Variants in SLC24A3 observed in about 807,000 individuals in gnomAD.
SLC24A3 encodes sodium/potassium/calcium exchanger 3.
A neutral mutation model predicts 75.8 loss-of-function variants in SLC24A3; 28 were observed. The observed-to-expected ratio is 0.37, with a 90% confidence interval of 0.27 to 0.51. The LOEUF (loss-of-function observed/expected upper bound fraction) is 0.51, where lower values mean the gene tolerates loss of function less well. Among genes scored for constraint, SLC24A3 ranks in the 20% least tolerant of loss-of-function variants. The pLI, the probability that SLC24A3 is intolerant of heterozygous loss-of-function variation, is 0.94. For synonymous variants in SLC24A3, 372 were observed against 334.1 expected (o/e 1.11, Z -1.24); for missense variants, 663 against 847.8 (o/e 0.78, Z 2.71).
intron 2 of SLC24A3, among the ~76,000 whole-genome samples, chr20:19,481,464 G>A (rs1347362504): frequency 6.6e-6 from 1 of 152,180 alleles, no homozygotes; most frequent in African/African-American, 2.4e-5. Flanking sequence ...CAGGAGGCTG[G>A]CTTTAGACTC....
At chr20:19,651,003 T>A (rs1000731238) in intron 6 of SLC24A3, among the ~76,000 whole-genome samples, 5 of 152,164 alleles carry the variant, frequency 3.3e-5, no homozygotes, top group Admixed American at 6.5e-5. Context: ...AAGTTTCATT[T>A]TGGAATTTCC....
intron 2 of SLC24A3, among the ~76,000 whole-genome samples, chr20:19,305,782 GA>G (rs1381530063): frequency 6.6e-6 from 1 of 152,100 alleles, no homozygotes; most frequent in Non-Finnish European, 1.5e-5. Flanking sequence ...AATCCTAGAA[GA>G]AAACCTAGGA....
At chr20:19,525,455 C>A (rs1474296388) in intron 3 of SLC24A3, among the ~76,000 whole-genome samples, 1 of 152,070 alleles carries the variant, frequency 6.6e-6, no homozygotes, top group Admixed American at 6.5e-5. Flanking sequence ...GTGGGAGAGC[C>A]AGTGACGGCT....
intron 7 of SLC24A3, among the ~76,000 whole-genome samples, chr20:19,655,542 A>C (rs1340244344): frequency 6.6e-6 from 1 of 152,102 alleles, no homozygotes; most frequent in Admixed American, 6.5e-5. Context: ...TGGTGAAAGT[A>C]TTTCTGGCTG....
At chr20:19,681,381 G>A (rs143630107) in intron 9 of SLC24A3, among the ~76,000 whole-genome samples, 146 of 152,320 alleles carry the variant, frequency 9.6e-4, no homozygotes, top group African/African-American at 2.8e-3. Flanking sequence ...CACATAGACT[G>A]TGACACACAG....
At chr20:19,448,019 C>T (rs932651333) in intron 2 of SLC24A3, among the ~76,000 whole-genome samples, 1 of 152,212 alleles carries the variant, frequency 6.6e-6, no homozygotes, top group East Asian at 1.9e-4. Context: ...ACAAAATGAG[C>T]TCGCTCTTCC....
chr20:19,557,302 G>A (rs978155478), intron 3 of SLC24A3, among the ~76,000 whole-genome samples: 44 of 152,122 alleles, frequency 2.9e-4, no homozygotes, highest in African/African-American at 1.0e-3. Context: ...GAGATGGCCT[G>A]GGCTGGCCTG....
intron 2 of SLC24A3, among the ~76,000 whole-genome samples, chr20:19,431,373 T>C (rs1163301185): frequency 2.0e-5 from 3 of 152,076 alleles, no homozygotes; most frequent in African/African-American, 7.2e-5. Flanking sequence ...GAAGCAAGGT[T>C]GTGTGAAAGC....
intron 2 of SLC24A3, among the ~76,000 whole-genome samples, chr20:19,356,945 TATA>T (rs1028577465): frequency 1.3e-5 from 2 of 152,178 alleles, no homozygotes; most frequent in East Asian, 1.9e-4. Context: ...GGTTACTGGT[TATA>T]ATAATATAAA....
intron 15 of SLC24A3, among the ~76,000 whole-genome samples, chr20:19,710,643 ATCTAGTTCAACACTGTGCAGG>A (rs1555808667): frequency 3.9e-5 from 6 of 152,208 alleles, no homozygotes; most frequent in Non-Finnish European, 4.4e-5. Flanking sequence ...GAGGGAGATG[ATCTAGTTCAACACTGTGCAGG>A]CCTGTCCAAA....
chr20:19,248,870 T>C (rs1982570515), intron 1 of SLC24A3, among the ~76,000 whole-genome samples: 1 of 150,790 alleles, frequency 6.6e-6, no homozygotes, highest in African/African-American at 2.4e-5. Flanking sequence ...GATATTGTGC[T>C]AAGTGAAATT....
intron 6 of SLC24A3, among the ~76,000 whole-genome samples, chr20:19,585,967 A>G (rs1318736047): frequency 6.6e-6 from 1 of 152,228 alleles, no homozygotes; most frequent in African/African-American, 2.4e-5. Flanking sequence ...TAAACAAAAC[A>G]TGCAGTCATC....
At chr20:19,456,917 A>T (rs1285900760) in intron 2 of SLC24A3, among the ~76,000 whole-genome samples, 1 of 152,228 alleles carries the variant, frequency 6.6e-6, no homozygotes, top group East Asian at 1.9e-4. Context: ...GAGATAAAAG[A>T]TGATACTGTG....
At chr20:19,652,035 G>A (rs1368335469) in intron 6 of SLC24A3, among the ~76,000 whole-genome samples, 1 of 87,206 alleles carries the variant, frequency 1.1e-5, no homozygotes, top group Non-Finnish European at 2.5e-5. Context: ...TATGAAGTAA[G>A]GAAGGAGGCT....
At chr20:19,642,505 C>T (rs941325215) in intron 6 of SLC24A3, among the ~76,000 whole-genome samples, 1 of 152,216 alleles carries the variant, frequency 6.6e-6, no homozygotes, top group Non-Finnish European at 1.5e-5. Flanking sequence ...GCCCCACACA[C>T]ACCCTAAAAT....
At chr20:19,444,572 T>G (rs1247914045) in intron 2 of SLC24A3, among the ~76,000 whole-genome samples, 1 of 151,220 alleles carries the variant, frequency 6.6e-6, no homozygotes, top group Non-Finnish European at 1.5e-5. Flanking sequence ...TTTCAAAGAA[T>G]TGGCCCATAT....
At chr20:19,577,698 A>G (rs1446493569) in intron 3 of SLC24A3, among the ~76,000 whole-genome samples, 1 of 152,220 alleles carries the variant, frequency 6.6e-6, no homozygotes, top group African/African-American at 2.4e-5. Flanking sequence ...ACACATATAC[A>G]TAGATTATTT....
intron 2 of SLC24A3, among the ~76,000 whole-genome samples, chr20:19,329,892 G>A (rs925091664): frequency 6.6e-6 from 1 of 152,120 alleles, no homozygotes; most frequent in African/African-American, 2.4e-5. Flanking sequence ...GCAGCATGTG[G>A]GGACCCTCTG....
chr20:19,506,443 A>T (rs1178887286), intron 2 of SLC24A3, among the ~76,000 whole-genome samples: 3 of 152,166 alleles, frequency 2.0e-5, no homozygotes, highest in African/African-American at 7.2e-5. Context: ...TTAAAAAAAC[A>T]AGAAAAAAGG....
Sources: allele counts gnomAD v4.1 joint callset (sites outside exome capture counted in the v4.1 genomes callset), GRCh38; gene constraint gnomAD v4.1.1; transcripts MANE v1.5; gene names NCBI Gene and HGNC (gene_info 2026-07-23, HGNC 2026-07-21).